The following SH3TC2 variants were observed in gnomAD, a reference collection of about 807,000 sequenced individuals.
The protein encoded by SH3TC2 is SH3 domain and tetratricopeptide repeat-containing protein 2.
SH3TC2 carries 87 observed loss-of-function variants against 124.5 expected under a neutral mutation model. That is an observed-to-expected ratio of 0.70 (90% CI 0.59 to 0.84). The LOEUF (loss-of-function observed/expected upper bound fraction) is 0.84, where lower values mean the gene tolerates loss of function less well. Ranked by LOEUF, SH3TC2 falls within the 40% of genes least tolerant of loss-of-function variation. SH3TC2 has a pLI of 0.00. For missense variants in SH3TC2, 1,536 were observed against 1,566.4 expected (o/e 0.98, Z 0.33); for synonymous variants, 634 against 628.5 (o/e 1.01, Z -0.13).
chr5:148,988,385 T>C lies in SH3TC2; in HGVS notation c.*16326A>G, dbSNP rs1485265268. Among the ~76,000 whole-genome samples the C allele has an allele frequency of 4.6e-5, 7 of 152,138 alleles. No homozygotes were observed. The highest frequency in any genetic ancestry group is 3.3e-4 in the Admixed American group (5 of 15,280). ...TTGAGTAATCCCCTCCTATACCAGC[T>C]CTAGGCTGGCTTTGTATAACCAATA... On this transcript the variant is annotated 3_prime_UTR_variant, in exon 17 of 17. Coordinates refer to ENST00000515425, the MANE Select transcript of SH3TC2 (RefSeq NM_024577.4).
In SH3TC2 at chr5:148,989,484, G is replaced by A. The variant is rs2127387829; in HGVS notation, c.*15227C>T. On this transcript the variant is annotated 3_prime_UTR_variant, in exon 17 of 17. Transcript: ENST00000515425. Reference sequence around the variant, plus strand: ...CACATCCAGAAATCACATTGTAGTTGTTGAATCCTTTGGCAGGAGCTATAC... The same window carrying A: ...CACATCCAGAAATCACATTGTAGTTATTGAATCCTTTGGCAGGAGCTATAC... 6.6e-6 allele frequency among the ~76,000 whole-genome samples: 1 copy of A among 152,314 alleles called. No individual in the cohort carries two copies. Among genetic ancestry groups the A allele is most frequent in the Non-Finnish European group, 1.5e-5 (1 of 68,026 alleles).
chr5:149,053,365 A>T (rs1754589793), intron 1 of SH3TC2, among the ~76,000 whole-genome samples: 1 of 152,302 alleles, frequency 6.6e-6, no homozygotes, highest in Middle Eastern at 3.4e-3. Context: ...AGGACCTTCC[A>T]TTTATTCGCA....
In SH3TC2 at chr5:149,012,587, C is replaced by A. The variant is rs760097721; in HGVS notation, c.3201G>T (p.Leu1067=). 6.2e-7 allele frequency: 1 copy of A among 1,614,142 alleles called. No homozygotes were observed. Among genetic ancestry groups the A allele is most frequent in the Admixed American group, 1.7e-5 (1 of 60,024 alleles). The change falls in exon 13 of 17, where the codon CTG becomes CTT. Residue 1067 remains leucine (L), a synonymous_variant. Transcript: ENST00000515425. ...MQEDELVELC[L]QAAIQTALKS... The stretch of plus-strand genomic sequence containing the variant: ...GAGAGCTCTGCAGGAGGCCTACCTG[C>A]AGGCACAGCTCCACCAGCTCGTCTT...
chr5:149,059,019 A>T (rs905171902), intron 1 of SH3TC2, among the ~76,000 whole-genome samples: 1 of 152,158 alleles, frequency 6.6e-6, no homozygotes, highest in African/African-American at 2.4e-5. Context: ...AAGTGAGGGC[A>T]TAGAGTGAAT....
chr5:149,031,757 C>T, intron 8 of SH3TC2, 70 bp from the exon 9 acceptor site: 2 of 1,603,730 alleles, frequency 1.2e-6, no homozygotes, highest in Non-Finnish European at 1.7e-6. Flanking sequence ...CTTCTCTCCA[C>T]ACTAGGATGT....
intron 12 of SH3TC2, among the ~76,000 whole-genome samples, chr5:149,021,635 G>A (rs1213549031): frequency 2.0e-5 from 3 of 151,830 alleles, no homozygotes; most frequent in Non-Finnish European, 4.4e-5. Context: ...ATGAACAATT[G>A]TATACCAACA....
At position 149,028,445 on chromosome 5, in the gene SH3TC2, C is replaced by T. The variant is rs1237348677; in HGVS notation, c.1287G>A (p.Glu429=). Residue 429 remains glutamate, a synonymous_variant, in exon 11 of 17, where the codon GAG becomes GAA. Transcript: ENST00000515425. ...SSSSEDSSLE[E]ELLSATSDSY... ...TGTCTGAGGTGGCCGAGAGGAGCTC[C>T]TCCTCCAGGCTGGAGTCCTCAGAGC... 4 of 1,613,160 alleles carry T rather than the reference C, an allele frequency of 2.5e-6. No homozygotes were observed. Among genetic ancestry groups the T allele is most frequent in the Admixed American group, 3.3e-5 (2 of 59,956 alleles).
chr5:149,027,901 G>A lies in SH3TC2; in HGVS notation c.1831C>T (p.His611Tyr). Residue 611 changes from histidine to tyrosine, a missense_variant, in exon 11 of 17, where the codon CAT becomes TAT. Physicochemically the swap from His to Tyr is moderately conservative, Grantham distance 83. Transcript: ENST00000515425. ...CLPDRESSAK[H>Y]ELDVVAYVLR... is the part of the protein sequence containing the mutation. ...ACGTAGGCCACCACGTCGAGTTCAT[G>A]CTTGGCACTAGACTCACGGTCAGGC... 6.2e-7 allele frequency: 1 copy of A among 1,613,998 alleles called. No homozygotes were observed. Among genetic ancestry groups the A allele is most frequent in the Non-Finnish European group, 8.5e-7 (1 of 1,180,042 alleles).
chr5:148,989,586 G>C lies in SH3TC2; in HGVS notation c.*15125C>G, dbSNP rs181229340. On this transcript the variant is annotated 3_prime_UTR_variant, in exon 17 of 17. Coordinates refer to ENST00000515425, the MANE Select transcript of SH3TC2 (RefSeq NM_024577.4). ...ACATGTGAGTTTTGGGGATTGCAAA[G>C]TGTTGACATTTTCAGACCACCTATG... Among the ~76,000 whole-genome samples the C allele has an allele frequency of 2.0e-3, 304 of 152,344 alleles. 2 individuals are homozygous for C. Among genetic ancestry groups the C allele is most frequent in the East Asian group, 1.3e-3 (7 of 5,190 alleles).
chr5:148,985,075 C>T lies in SH3TC2; in HGVS notation c.*19636G>A, dbSNP rs910106198. 1.3e-5 allele frequency among the ~76,000 whole-genome samples: 2 copies of T among 151,680 alleles called. No homozygotes were observed. Among genetic ancestry groups the T allele is most frequent in the African/African-American group, 4.8e-5 (2 of 41,286 alleles). ...TTAACTGAGACTCTTCTTGATAGAA[C>T]TTTTATTGGTTCTGACTCCACTTGA... On this transcript the variant is annotated 3_prime_UTR_variant, in exon 17 of 17. Transcript: ENST00000515425.
At chr5:149,029,214 T>TCATC (rs1754139332) in intron 9 of SH3TC2, among the ~76,000 whole-genome samples, 1 of 152,214 alleles carries the variant, frequency 6.6e-6, no homozygotes, top group South Asian at 2.1e-4. Context: ...CATTCATGAT[T>TCATC]CATCCACTTG....
In SH3TC2 at chr5:148,994,598, AGATGGTTGGT is replaced by A. The variant is rs1753473719; in HGVS notation, c.*10103_*10112del. Among the ~76,000 whole-genome samples, 1 of 116,932 alleles carries A rather than the reference AGATGGTTGGT, an allele frequency of 8.6e-6. No homozygotes were observed. The highest frequency in any genetic ancestry group is 3.3e-5 in the African/African-American group (1 of 30,500). 76.7% of individuals were successfully genotyped at this position (116,932 alleles called of 152,430 possible). On this transcript the variant is annotated 3_prime_UTR_variant, in exon 17 of 17. Transcript: ENST00000515425. ...TGGGTATGTGGGTGGTTGGGTGGTT[AGATGGTTGGT>A]TGGTTGGTTGGTTGGTTGGTTGGTT...
chr5:149,036,889 C>A (rs548400159), intron 8 of SH3TC2, among the ~76,000 whole-genome samples: 2 of 152,284 alleles, frequency 1.3e-5, no homozygotes, highest in South Asian at 4.2e-4. Context: ...CCTTCCTCTC[C>A]ATTCTCACCC....
intron 14 of SH3TC2, among the ~76,000 whole-genome samples, chr5:149,009,257 G>C (rs1310862269): frequency 1.3e-5 from 2 of 152,318 alleles, no homozygotes; most frequent in Non-Finnish European, 2.9e-5. Flanking sequence ...CCTGGAGTAG[G>C]AAAGGGAAGC....
At position 149,000,466 on chromosome 5, in the gene SH3TC2, T is replaced by C. The variant is rs1753579461; in HGVS notation, c.*4245A>G. ...TTGAAGTTAATGCATTATTTTATTT[T>C]CATTGTATTTGCCATTATTTACATA... is the stretch of plus-strand genomic sequence containing the variant. On this transcript the variant is annotated 3_prime_UTR_variant, in exon 17 of 17. Coordinates refer to ENST00000515425, the MANE Select transcript of SH3TC2 (RefSeq NM_024577.4). Among the ~76,000 whole-genome samples, 1 of 152,276 alleles carries C rather than the reference T, an allele frequency of 6.6e-6. No homozygotes were observed. The highest frequency in any genetic ancestry group is 2.4e-5 in the African/African-American group (1 of 41,474).
At chr5:149,014,949 C>T (rs1165022478) in intron 12 of SH3TC2, among the ~76,000 whole-genome samples, 1 of 152,172 alleles carries the variant, frequency 6.6e-6, no homozygotes, top group African/African-American at 2.4e-5. Context: ...TTTATGTTCC[C>T]ATTTACTGTC....
intron 1 of SH3TC2, among the ~76,000 whole-genome samples, chr5:149,059,916 C>G (rs1754716698): frequency 6.6e-6 from 1 of 152,124 alleles, no homozygotes; most frequent in African/African-American, 2.4e-5. Flanking sequence ...TGGCATAATG[C>G]AAAAATTTGT....
chr5:149,034,360 C>A, intron 8 of SH3TC2: 1 of 193,130 alleles, frequency 5.2e-6, no homozygotes, highest in South Asian at 7.6e-5. Context: ...ACTGATTAAG[C>A]AAGAATGAGG....
Position 149,009,887 on chromosome 5 carries a change from A to T in SH3TC2, c.3327+383T>A, listed in dbSNP as rs192943428. 7.2e-5 allele frequency among the ~76,000 whole-genome samples: 11 copies of T among 152,322 alleles called. No homozygotes were observed. The East Asian group carries it at 2.1e-3, about 29-fold the overall frequency. On this transcript the variant is annotated intron_variant, in intron 14 of 16. Transcript: ENST00000515425. ...AAAATATGATCAAACAAAAGCATTCATCTACATAACCCTTTAAATAATCTC... is the reference window on the plus strand; with the variant it reads ...AAAATATGATCAAACAAAAGCATTCTTCTACATAACCCTTTAAATAATCTC...
Sources: allele counts gnomAD v4.1 joint callset (sites outside exome capture counted in the v4.1 genomes callset), GRCh38; gene constraint gnomAD v4.1.1; transcripts MANE v1.5; gene names NCBI Gene and HGNC (gene_info 2026-07-23, HGNC 2026-07-21).